CEP20: variants seen among roughly 807,000 people sequenced by gnomAD.
The protein encoded by CEP20 is FGFR1OP N-terminal like.
A neutral mutation model predicts 20.0 loss-of-function variants in CEP20; 18 were observed. That is an observed-to-expected ratio of 0.90 (90% CI 0.62 to 1.34). CEP20 has a LOEUF of 1.34. Ranked by LOEUF, CEP20 falls within the 40% of genes most tolerant of loss-of-function variation. The pLI is 0.00. For missense variants in CEP20, 215 were observed against 201.6 expected, an observed-to-expected ratio of 1.07 and a Z score of -0.40; for synonymous variants, 77 against 73.7, an observed-to-expected ratio of 1.04 and a Z score of -0.23.
At position 15,867,240 on chromosome 16, in the gene CEP20, C is replaced by CT. The variant is rs999175456; in HGVS notation, c.*199dup. On this transcript the variant is annotated 3_prime_UTR_variant, in exon 5 of 5. Coordinates refer to ENST00000255759, the MANE Select transcript of CEP20 (RefSeq NM_144600.4). ...CAAAAAATACTTCGTAAAAACAATA[C>CT]TTTTTTTTTCAAGTCAAATCCAATA... 7.4e-4 allele frequency: 323 copies of CT among 435,292 alleles called. No individual in the cohort carries two copies. Among genetic ancestry groups the CT allele is most frequent in the Middle Eastern group, 1.2e-3 (2 of 1,622 alleles). 27.0% of individuals were successfully genotyped at this position (435,292 alleles called of 1,614,324 possible).
intron 4 of CEP20, among the ~76,000 whole-genome samples, chr16:15,872,070 T>A (rs1462755808): frequency 1.3e-5 from 2 of 152,160 alleles, no homozygotes; most frequent in African/African-American, 4.8e-5. Flanking sequence ...ATCCCAGCAC[T>A]TTGGGAGGCC....
At chr16:15,869,677 T>C (rs955180750) in intron 4 of CEP20, among the ~76,000 whole-genome samples, 4 of 151,718 alleles carry the variant, frequency 2.6e-5, no homozygotes, top group African/African-American at 9.7e-5. Context: ...AATGAGCTTC[T>C]GTGGAGACAA....
intron 1 of CEP20, among the ~76,000 whole-genome samples, chr16:15,884,464 T>G (rs750360926): frequency 1.3e-5 from 2 of 152,186 alleles, no homozygotes; most frequent in Non-Finnish European, 2.9e-5. Context: ...TCATCAGCAC[T>G]GTCAGGGGCT....
At chr16:15,886,183 G>A (rs565175061) in intron 1 of CEP20, 4 of 152,214 alleles carry the variant, frequency 2.6e-5, no homozygotes. Flanking sequence ...CATAAAGAGA[G>A]CCCAGGAGCT....
chr16:15,873,626 G>T lies in CEP20; in HGVS notation c.313C>A (p.Pro105Thr), dbSNP rs753141360. The change falls in exon 4 of 5, where the codon CCT (proline) becomes ACT (threonine). Residue 105 changes from proline (P) to threonine (T), a missense_variant and splice_region_variant. Coordinates refer to ENST00000255759, the MANE Select transcript of CEP20 (RefSeq NM_144600.4). The part of the protein sequence containing the change: ...AFEESKDNTI[P>T]LLYGILAHFL... ...TGGGCTAAAATCCCATATAAAAGAG[G>T]TCTATAGCAGGAAGAAAACAAAACA... 4 of 1,606,510 alleles carry T rather than the reference G, an allele frequency of 2.5e-6. No individual in the cohort carries two copies. Among genetic ancestry groups the T allele is most frequent in the African/African-American group, 2.7e-5 (2 of 74,708 alleles).
rs1356239536 is a variant in CEP20, at chr16:15,867,385, T to G, written c.*55A>C. On this transcript the variant is annotated 3_prime_UTR_variant, in exon 5 of 5. Coordinates refer to ENST00000255759, the MANE Select transcript of CEP20 (RefSeq NM_144600.4). ...ATTTTGGTAACATTGGGACAATAAA[T>G]AAGTTATTTAATTAATAATACAATT... The G allele has an allele frequency of 7.3e-7, 1 of 1,361,898 alleles. No homozygotes were observed. The highest frequency in any genetic ancestry group is 1.0e-6 in the Non-Finnish European group (1 of 999,898). The allele number at this position is 1,361,898 out of a possible 1,614,324, so 84.4% of individuals were successfully genotyped here. A position where few individuals can be genotyped will look rare whatever the true frequency, so the allele number is the denominator to read the frequency against.
At chr16:15,877,780 G>A (rs964465094) in intron 3 of CEP20, among the ~76,000 whole-genome samples, 3 of 151,758 alleles carry the variant, frequency 2.0e-5, no homozygotes, top group Non-Finnish European at 2.9e-5. Flanking sequence ...ACCCTGCCTT[G>A]AAAAAACAAA....
intron 1 of CEP20, among the ~76,000 whole-genome samples, chr16:15,884,529 T>G (rs2045194256): frequency 1.3e-5 from 2 of 152,164 alleles, no homozygotes; most frequent in Non-Finnish European, 2.9e-5. Context: ...TGAGACACAG[T>G]CTCGCTCTTT....
In CEP20 at chr16:15,879,784, T is replaced by C. The variant is rs1597002780; in HGVS notation, c.311+20A>G. 1 of 1,455,438 alleles carries C rather than the reference T, an allele frequency of 6.9e-7. No homozygotes were observed. Among genetic ancestry groups the C allele is most frequent in the South Asian group, 1.2e-5 (1 of 82,382 alleles). 90.2% of individuals were successfully genotyped at this position (1,455,438 alleles called of 1,614,324 possible). A position where few individuals can be genotyped will look rare whatever the true frequency, so the allele number is the denominator to read the frequency against. ...TGACTCAATACAATATGTGGAAACT[T>C]CTTTAAAAAAATGTCTTACATTGTA... is the stretch of plus-strand genomic sequence containing the variant. On this transcript the variant is annotated intron_variant, in intron 3 of 4. Coordinates refer to ENST00000255759, the MANE Select transcript of CEP20 (RefSeq NM_144600.4).
At chr16:15,876,946 G>A (rs116569179) in intron 3 of CEP20, among the ~76,000 whole-genome samples, 10,446 of 149,220 alleles carry the variant, frequency 0.07, 470 homozygotes, top group East Asian at 0.22. Context: ...CCACCTCCCC[G>A]TTTGACGCCC....
Position 15,865,971 on chromosome 16 carries a change from C to G in CEP20, c.*1469G>C, listed in dbSNP as rs1415776629. The G allele has an allele frequency of 1.3e-5, 2 of 152,068 alleles. No individual in the cohort carries two copies. The highest frequency in any genetic ancestry group is 1.3e-4 in the Admixed American group (2 of 15,246). The allele number at this position is 152,068 out of a possible 1,614,324, so 9.4% of individuals were successfully genotyped here. ...ACTGCCAACATCCTTGGACGAAAAC[C>G]AAGTCCCCCGGGAGAATTCAGATAT... On this transcript the variant is annotated 3_prime_UTR_variant, in exon 5 of 5. Transcript: ENST00000255759.
In CEP20 at chr16:15,867,041, C is replaced by CT. The variant is rs2044696517; in HGVS notation, c.*398dup. On this transcript the variant is annotated 3_prime_UTR_variant, in exon 5 of 5. Transcript: ENST00000255759. Reference sequence around the variant, plus strand: ...TGGCCAGCATGGTGAAACCCCATCTCTACTAAAAATACAAAAACTACTCCG... The same window carrying CT: ...TGGCCAGCATGGTGAAACCCCATCTCTTACTAAAAATACAAAAACTACTCCG... 1 of 167,590 alleles carries CT rather than the reference C, an allele frequency of 6.0e-6. No individual in the cohort carries two copies. The highest frequency in any genetic ancestry group is 1.3e-5 in the Non-Finnish European group (1 of 76,598). 10.4% of individuals were successfully genotyped at this position (167,590 alleles called of 1,614,324 possible).
intron 4 of CEP20, among the ~76,000 whole-genome samples, chr16:15,872,331 G>T (rs1321573940): frequency 1.3e-5 from 2 of 151,220 alleles, no homozygotes; most frequent in Non-Finnish European, 1.5e-5. Flanking sequence ...AAAAAAAATT[G>T]ATCAGCTCTC....
chr16:15,878,575 C>T (rs2045012642), intron 3 of CEP20, among the ~76,000 whole-genome samples: 2 of 151,558 alleles, frequency 1.3e-5, no homozygotes, highest in African/African-American at 4.9e-5. Flanking sequence ...TGGCTCACTG[C>T]AACCTCCGCT....
At chr16:15,879,012 C>CT (rs201473289) in intron 3 of CEP20, among the ~76,000 whole-genome samples, 3,324 of 135,406 alleles carry the variant, frequency 0.025, 101 homozygotes, top group African/African-American at 0.069. Flanking sequence ...CTCCTATGTA[C>CT]TTTTTTTTTT....
chr16:15,886,085 C>T (rs180987701), intron 1 of CEP20: 1 of 152,328 alleles, frequency 6.6e-6, no homozygotes, highest in Admixed American at 6.5e-5. Context: ...TAATACATTG[C>T]TGTACACTAC....
intron 1 of CEP20, among the ~76,000 whole-genome samples, chr16:15,888,019 A>AGT (rs1195846760): frequency 3.3e-5 from 5 of 151,018 alleles, no homozygotes; most frequent in Non-Finnish European, 7.4e-5. Context: ...TCGAAGCTGC[A>AGT]GTGAGCTGTG....
chr16:15,879,765 A>G, intron 3 of CEP20, 39 bp downstream of exon 3: 1 of 1,182,270 alleles, frequency 8.5e-7, no homozygotes, highest in East Asian at 2.5e-5. Context: ...ATTATGACTC[A>G]ATACAATATG....
chr16:15,881,460 G>A (rs868071124), intron 2 of CEP20, among the ~76,000 whole-genome samples: 50 of 152,214 alleles, frequency 3.3e-4, no homozygotes, highest in African/African-American at 1.1e-3. Context: ...TAGTTCAGAC[G>A]TATGTTTAAT....
Sources: allele counts gnomAD v4.1 joint callset (sites outside exome capture counted in the v4.1 genomes callset), GRCh38; gene constraint gnomAD v4.1.1; transcripts MANE v1.5; gene names NCBI Gene and HGNC (gene_info 2026-07-23, HGNC 2026-07-21).